Variants in RABGAP1L observed in about 807,000 individuals in gnomAD.
RABGAP1L encodes rab GTPase-activating protein 1-like.
In RABGAP1L, 63 loss-of-function variants were observed where a neutral mutation model predicts 137.7. That is an observed-to-expected ratio of 0.46 (90% CI 0.37 to 0.56). RABGAP1L has a LOEUF of 0.56. RABGAP1L is among the 20% of genes least tolerant of loss of function. The pLI, the probability that RABGAP1L is intolerant of heterozygous loss-of-function variation, is 0.00. For synonymous variants in RABGAP1L, 431 were observed against 433.7 expected, an observed-to-expected ratio of 0.99 and a Z score of 0.08; for missense variants, 1,095 against 1,244.0, an observed-to-expected ratio of 0.88 and a Z score of 1.80.
chr1:174,404,454 T>G (rs2149110947), intron 13 of RABGAP1L, among the ~76,000 whole-genome samples: 1 of 152,294 alleles, frequency 6.6e-6, no homozygotes, highest in South Asian at 2.1e-4. Context: ...TATTTATGCA[T>G]CAATGCGTTA....
intron 19 of RABGAP1L, among the ~76,000 whole-genome samples, chr1:174,936,588 C>A (rs1664832620): frequency 6.6e-6 from 1 of 152,090 alleles, no homozygotes; most frequent in African/African-American, 2.4e-5. Context: ...CAGAGCAAGA[C>A]CCTTTCTCAA....
At chr1:174,937,127 T>C (rs1664951432) in intron 19 of RABGAP1L, among the ~76,000 whole-genome samples, 1 of 151,492 alleles carries the variant, frequency 6.6e-6, no homozygotes, top group South Asian at 2.1e-4. Flanking sequence ...TACAGGCTCC[T>C]GCCACCACGC....
At chr1:174,636,563 A>G (rs1674060071) in intron 13 of RABGAP1L, among the ~76,000 whole-genome samples, 1 of 151,752 alleles carries the variant, frequency 6.6e-6, no homozygotes, top group African/African-American at 2.4e-5. Flanking sequence ...TTAATATAGT[A>G]GCCTGTAGCT....
intron 4 of RABGAP1L, among the ~76,000 whole-genome samples, chr1:174,232,570 T>G (rs1478889616): frequency 2.0e-5 from 3 of 151,260 alleles, no homozygotes; most frequent in Non-Finnish European, 4.4e-5. Flanking sequence ...GATCACGAGG[T>G]CAGGAGATCG....
chr1:174,450,684 G>A (rs1655333357), intron 13 of RABGAP1L, among the ~76,000 whole-genome samples: 1 of 152,114 alleles, frequency 6.6e-6, no homozygotes, highest in Non-Finnish European at 1.5e-5. Flanking sequence ...TTTAGATGTA[G>A]CAAAGTAGCA....
At chr1:174,309,995 T>C (rs550137887) in intron 11 of RABGAP1L, among the ~76,000 whole-genome samples, 2 of 152,146 alleles carry the variant, frequency 1.3e-5, no homozygotes, top group Non-Finnish European at 2.9e-5. Context: ...GTCCTGAGCT[T>C]CCTTTTTTTG....
chr1:174,674,866 G>A (rs369846971), intron 14 of RABGAP1L, among the ~76,000 whole-genome samples: 1 of 146,760 alleles, frequency 6.8e-6, no homozygotes, highest in Non-Finnish European at 1.5e-5. Context: ...TCATGTGTCT[G>A]TTGGCTGCAT....
At chr1:174,472,148 TAA>T in intron 13 of RABGAP1L, among the ~76,000 whole-genome samples, 1 of 152,318 alleles carries the variant, frequency 6.6e-6, no homozygotes, top group Admixed American at 6.5e-5. Context: ...TTCTGTTGTT[TAA>T]GACACCCAGC....
Position 174,682,694 on chromosome 1 carries a change from T to G in RABGAP1L, c.1825-828T>G, listed in dbSNP as rs376244771. Among the ~76,000 whole-genome samples, 306 of 152,338 alleles carry G rather than the reference T, an allele frequency of 2.0e-3. 1 individual carries two copies. Among genetic ancestry groups the G allele is most frequent in the South Asian group, 5.4e-3 (26 of 4,828 alleles). Reference sequence around the variant, plus strand: ...CCTAGATGTTTGAAGTACTAATTAGTATACACTAAGCCTATGGCCTTATTT... The same window carrying G: ...CCTAGATGTTTGAAGTACTAATTAGGATACACTAAGCCTATGGCCTTATTT... On this transcript the variant is annotated intron_variant, in intron 14 of 25. Coordinates refer to ENST00000681986, the MANE Select transcript of RABGAP1L (RefSeq NM_001366446.1).
At chr1:174,482,522 G>T (rs1659210722) in intron 13 of RABGAP1L, among the ~76,000 whole-genome samples, 1 of 152,144 alleles carries the variant, frequency 6.6e-6, no homozygotes, top group Non-Finnish European at 1.5e-5. Context: ...ACAGAGTCTT[G>T]CTCTGTTGCC....
chr1:174,793,674 A>G (rs747731856), intron 18 of RABGAP1L, among the ~76,000 whole-genome samples: 5 of 152,028 alleles, frequency 3.3e-5, no homozygotes, highest in South Asian at 2.1e-4. Context: ...CCAGAAGCAT[A>G]TAGTACAGTG....
chr1:174,879,628 G>A (rs1653817691), intron 19 of RABGAP1L, among the ~76,000 whole-genome samples: 1 of 152,106 alleles, frequency 6.6e-6, no homozygotes, highest in Non-Finnish European at 1.5e-5. Flanking sequence ...AGTAGATTAT[G>A]TGTTGATAAT....
Position 174,929,848 on chromosome 1 carries a change from A to AT in RABGAP1L, c.2341-27589dup, listed in dbSNP as rs58140970. ...TCTACTGATTTTAAAGCAAAATTTA[A>AT]TTTTTTTTTTTTTTTTTTTTGAGAT... is the stretch of plus-strand genomic sequence containing the variant. On this transcript the variant is annotated intron_variant, in intron 19 of 25. Coordinates refer to ENST00000681986, the MANE Select transcript of RABGAP1L (RefSeq NM_001366446.1). 4.4e-3 allele frequency among the ~76,000 whole-genome samples: 552 copies of AT among 124,696 alleles called. 4 individuals are homozygous for AT. The highest frequency in any genetic ancestry group is 6.1e-3 in the East Asian group (25 of 4,088). 81.8% of individuals were successfully genotyped at this position (124,696 alleles called of 152,430 possible).
At chr1:174,703,035 AGCTTATCTAT>A (rs1679776002) in intron 17 of RABGAP1L, among the ~76,000 whole-genome samples, 1 of 152,174 alleles carries the variant, frequency 6.6e-6, no homozygotes, top group African/African-American at 2.4e-5. Context: ...CAAAAGTATA[AGCTTATCTAT>A]GTGATTATAA....
intron 4 of RABGAP1L, among the ~76,000 whole-genome samples, chr1:174,231,731 T>C (rs1022260263): frequency 1.4e-4 from 21 of 151,982 alleles, no homozygotes; most frequent in African/African-American, 4.1e-4. Flanking sequence ...GGAAGCAGAA[T>C]TGTCTTACGT....
chr1:174,623,783 A>G lies in RABGAP1L; in HGVS notation c.1711-13592A>G, dbSNP rs556494774. Among the ~76,000 whole-genome samples the G allele has an allele frequency of 4.9e-4, 75 of 152,310 alleles. 1 individual carries two copies. The South Asian group carries it at 0.015, about 30-fold the overall frequency. On this transcript the variant is annotated intron_variant, in intron 13 of 25. Transcript: ENST00000681986. The stretch of plus-strand genomic sequence containing the variant: ...AGTCTTAGTCATAAATAACATTGTT[A>G]GACTATTCAGTGTCCAAGGCCCCCA...
intron 14 of RABGAP1L, among the ~76,000 whole-genome samples, chr1:174,681,384 G>A (rs932251437): frequency 1.3e-5 from 2 of 152,158 alleles, no homozygotes; most frequent in African/African-American, 2.4e-5. Context: ...ATGAACTACC[G>A]ATGCACACAA....
intron 1 of RABGAP1L, among the ~76,000 whole-genome samples, chr1:174,217,035 G>A: frequency 6.6e-6 from 1 of 152,078 alleles, no homozygotes. Context: ...GACTAGAGTG[G>A]TAGTAGTAGT....
At chr1:174,194,121 C>T (rs1357361740) in intron 1 of RABGAP1L, among the ~76,000 whole-genome samples, 1 of 152,142 alleles carries the variant, frequency 6.6e-6, no homozygotes, top group Non-Finnish European at 1.5e-5. Context: ...GCTTTGGTAC[C>T]TCTTTAATTG....
Sources: allele counts gnomAD v4.1 joint callset (sites outside exome capture counted in the v4.1 genomes callset), GRCh38; gene constraint gnomAD v4.1.1; transcripts MANE v1.5; gene names NCBI Gene and HGNC (gene_info 2026-07-23, HGNC 2026-07-21).